The following RBFOX1 variants were observed in gnomAD, a reference collection of about 807,000 sequenced individuals.
The protein encoded by RBFOX1 is RNA binding protein fox-1 homolog 1.
A neutral mutation model predicts 57.7 loss-of-function variants in RBFOX1; 8 were observed. That is an observed-to-expected ratio of 0.14 (90% CI 0.08 to 0.25). The LOEUF (loss-of-function observed/expected upper bound fraction) is 0.25. Ranked by LOEUF, RBFOX1 falls within the 10% of genes least tolerant of loss-of-function variation. The pLI is 1.00. For synonymous variants in RBFOX1, 326 were observed against 222.4 expected, an observed-to-expected ratio of 1.47 and a Z score of -4.15; for missense variants, 611 against 548.5, an observed-to-expected ratio of 1.11 and a Z score of -1.14.
chr16:7,541,694 T>G (rs1567740015), intron 5 of RBFOX1, among the ~76,000 whole-genome samples: 1 of 152,258 alleles, frequency 6.6e-6, no homozygotes, highest in Non-Finnish European at 1.5e-5. Context: ...CCCATTGGAA[T>G]GGAGTGAATG....
At chr16:6,773,453 G>A (rs67740379) in intron 3 of RBFOX1, among the ~76,000 whole-genome samples, 50,826 of 144,010 alleles carry the variant, frequency 0.35, 9,527 homozygotes, top group Non-Finnish European at 0.43. Context: ...GGGGCATAGG[G>A]TGCAATTGTG....
chr16:6,924,115 G>A (rs1251962021), intron 3 of RBFOX1, among the ~76,000 whole-genome samples: 2 of 151,990 alleles, frequency 1.3e-5, no homozygotes, highest in Non-Finnish European at 2.9e-5. Context: ...GTTGCAGTGA[G>A]CTGAGATTGT....
intron 1 of RBFOX1, among the ~76,000 whole-genome samples, chr16:6,229,283 A>T (rs908234111): frequency 6.6e-6 from 1 of 152,332 alleles, no homozygotes; most frequent in South Asian, 2.1e-4. Flanking sequence ...GGAAAATACT[A>T]TACTTTGAAC....
chr16:6,192,477 T>G (rs1192337102), intron 1 of RBFOX1, among the ~76,000 whole-genome samples: 2 of 152,058 alleles, frequency 1.3e-5, no homozygotes, highest in African/African-American at 4.8e-5. Flanking sequence ...CATTTTCCCC[T>G]TCCTTCCTCC....
At chr16:5,289,321 G>GC (rs2063478376) in intron 1 of RBFOX1, 1 of 409,976 alleles carries the variant, frequency 2.4e-6, no homozygotes, top group African/African-American at 2.0e-5. Flanking sequence ...CATTCCAGGA[G>GC]CAGGTTCCAC....
intron 3 of RBFOX1, among the ~76,000 whole-genome samples, chr16:5,707,594 A>G (rs1407160284): frequency 6.6e-6 from 1 of 152,204 alleles, no homozygotes; most frequent in Non-Finnish European, 1.5e-5. Flanking sequence ...TATAAGTACA[A>G]TATTTAAAGG....
intron 2 of RBFOX1, among the ~76,000 whole-genome samples, chr16:6,449,854 G>T (rs1007098581): frequency 1.3e-5 from 2 of 152,194 alleles, no homozygotes; most frequent in Admixed American, 1.3e-4. Context: ...CTGCAGGAAA[G>T]TGGATATGAG....
At chr16:5,566,973 G>A (rs1165346406) in intron 2 of RBFOX1, among the ~76,000 whole-genome samples, 2 of 152,128 alleles carry the variant, frequency 1.3e-5, no homozygotes, top group African/African-American at 2.4e-5. Flanking sequence ...TGGCTTCACC[G>A]GCTGGGAGTC....
intron 2 of RBFOX1, among the ~76,000 whole-genome samples, chr16:6,607,392 A>C (rs2154020402): frequency 6.6e-6 from 1 of 151,830 alleles, no homozygotes; most frequent in Middle Eastern, 3.4e-3. Flanking sequence ...AGTTATCATA[A>C]GCAGTTAGGT....
At chr16:6,845,635 C>A (rs184284693) in intron 3 of RBFOX1, among the ~76,000 whole-genome samples, 1 of 151,474 alleles carries the variant, frequency 6.6e-6, no homozygotes, top group Non-Finnish European at 1.5e-5. Context: ...CTATCACTTA[C>A]GACCCTTCAT....
At chr16:6,542,690 C>T (rs2096839781) in intron 2 of RBFOX1, among the ~76,000 whole-genome samples, 1 of 151,710 alleles carries the variant, frequency 6.6e-6, no homozygotes, top group South Asian at 2.1e-4. Flanking sequence ...GACGGGGTTT[C>T]ACTGTGTTAG....
chr16:6,765,670 A>G (rs1478906836), intron 3 of RBFOX1, among the ~76,000 whole-genome samples: 1 of 152,192 alleles, frequency 6.6e-6, no homozygotes, highest in Non-Finnish European at 1.5e-5. Context: ...ACCCAGAGGA[A>G]AGATGCCTGC....
chr16:6,931,213 C>G (rs1034576412), intron 3 of RBFOX1, among the ~76,000 whole-genome samples: 3 of 150,706 alleles, frequency 2.0e-5, no homozygotes, highest in East Asian at 2.0e-4. Flanking sequence ...TTAACCTCTT[C>G]TCTCTACTGA....
chr16:5,463,753 T>C (rs1028214076), intron 1 of RBFOX1, among the ~76,000 whole-genome samples: 1 of 151,106 alleles, frequency 6.6e-6, no homozygotes, highest in African/African-American at 2.4e-5. Context: ...TAAGTCAAGA[T>C]TGCACCACTG....
intron 3 of RBFOX1, among the ~76,000 whole-genome samples, chr16:5,826,615 G>C (rs1597396914): frequency 6.6e-6 from 1 of 152,310 alleles, no homozygotes; most frequent in East Asian, 1.9e-4. Flanking sequence ...GATTTGGCTT[G>C]CAGGCAATAG....
intron 4 of RBFOX1, among the ~76,000 whole-genome samples, chr16:7,202,121 A>T (rs2088689153): frequency 6.6e-6 from 1 of 151,610 alleles, no homozygotes; most frequent in African/African-American, 2.4e-5. Flanking sequence ...CAACCACAGC[A>T]ATATAAACAA....
chr16:5,432,484 G>A (rs500169), intron 1 of RBFOX1, among the ~76,000 whole-genome samples: 85,335 of 149,504 alleles, frequency 0.57, 24,531 homozygotes, highest in East Asian at 0.68. Flanking sequence ...TTAAGTTAAA[G>A]GCTCTTATTT....
intron 1 of RBFOX1, among the ~76,000 whole-genome samples, chr16:6,131,203 G>A (rs1281266887): frequency 6.6e-6 from 1 of 152,210 alleles, no homozygotes; most frequent in African/African-American, 2.4e-5. Flanking sequence ...GAAATACTCT[G>A]TGTTTGATCG....
chr16:5,865,925 G>GGAGA, intron 3 of RBFOX1, among the ~76,000 whole-genome samples: 1 of 151,538 alleles, frequency 6.6e-6, no homozygotes, highest in African/African-American at 2.4e-5. Context: ...AGGGAGAGAG[G>GGAGA]GAGAGAGAGA....
Sources: allele counts gnomAD v4.1 joint callset (sites outside exome capture counted in the v4.1 genomes callset), GRCh38; gene constraint gnomAD v4.1.1; transcripts MANE v1.5; gene names NCBI Gene and HGNC (gene_info 2026-07-23, HGNC 2026-07-21).